LRP6: variants seen among roughly 807,000 people sequenced by gnomAD.
The protein encoded by LRP6 is LDL receptor related protein 6, also known as low-density lipoprotein receptor-related protein 6.
In LRP6, 43 loss-of-function variants were observed where a neutral mutation model predicts 184.1. That is an observed-to-expected ratio of 0.23 (90% CI 0.18 to 0.30). LRP6 has a LOEUF of 0.30. Ranked by LOEUF, LRP6 falls within the 10% of genes least tolerant of loss-of-function variation. The probability of loss-of-function intolerance (pLI) is 1.00; values close to 1 mark genes in which losing one functional copy is unlikely to be tolerated. For missense variants in LRP6, 1,571 were observed against 2,005.3 expected (o/e 0.78, Z 4.14); for synonymous variants, 719 against 684.9 (o/e 1.05, Z -0.78).
chr12:12,234,901 G>T (rs113300635), intron 2 of LRP6, among the ~76,000 whole-genome samples: 5 of 151,656 alleles, frequency 3.3e-5, no homozygotes, highest in Non-Finnish European at 7.4e-5. Context: ...ATATACACAC[G>T]TATCAACTCA....
At chr12:12,237,580 G>GT (rs1864957539) in intron 2 of LRP6, among the ~76,000 whole-genome samples, 1 of 152,192 alleles carries the variant, frequency 6.6e-6, no homozygotes, top group Non-Finnish European at 1.5e-5. Flanking sequence ...GTGATCAACT[G>GT]TAACATCACC....
chr12:12,210,370 G>A (rs939728393), intron 2 of LRP6, among the ~76,000 whole-genome samples: 2 of 152,160 alleles, frequency 1.3e-5, no homozygotes, highest in Admixed American at 1.3e-4. Flanking sequence ...TGTGGTTTGG[G>A]AGAGCAAGAT....
At chr12:12,175,719 A>G (rs1449200881) in intron 7 of LRP6, among the ~76,000 whole-genome samples, 1 of 149,532 alleles carries the variant, frequency 6.7e-6, no homozygotes, top group East Asian at 1.9e-4. Context: ...AATAAAATAA[A>G]ATAAAATAAA....
At chr12:12,200,425 C>G (rs905779648) in intron 3 of LRP6, among the ~76,000 whole-genome samples, 46 of 152,258 alleles carry the variant, frequency 3.0e-4, no homozygotes, top group Non-Finnish European at 1.5e-4. Flanking sequence ...GTAGGATCTA[C>G]CCGGGGGCCC....
At chr12:12,245,684 G>A (rs565007689) in intron 1 of LRP6, among the ~76,000 whole-genome samples, 11 of 152,158 alleles carry the variant, frequency 7.2e-5, no homozygotes, top group East Asian at 3.9e-4. Flanking sequence ...GAAAAGACCC[G>A]AAACTAAATA....
At chr12:12,183,710 T>C (rs1241040820) in intron 5 of LRP6, among the ~76,000 whole-genome samples, 3 of 152,240 alleles carry the variant, frequency 2.0e-5, no homozygotes, top group African/African-American at 7.2e-5. Context: ...TCAACTGTGA[T>C]ATCAATGACT....
intron 1 of LRP6, among the ~76,000 whole-genome samples, chr12:12,265,838 G>C (rs543481994): frequency 6.6e-6 from 1 of 152,266 alleles, no homozygotes; most frequent in South Asian, 2.1e-4. Flanking sequence ...TAGTGCCATC[G>C]AATTCAAGCG....
At chr12:12,223,825 T>C (rs765241999) in intron 2 of LRP6, among the ~76,000 whole-genome samples, 1 of 152,164 alleles carries the variant, frequency 6.6e-6, no homozygotes, top group Non-Finnish European at 1.5e-5. Flanking sequence ...CTAGCCTCCT[T>C]CTCCTTGCTT....
chr12:12,138,459 T>C lies in LRP6; in HGVS notation c.3473A>G (p.Tyr1158Cys), dbSNP rs1486364279. 5.0e-6 allele frequency: 8 copies of C among 1,613,986 alleles called. No homozygotes were observed. Among genetic ancestry groups the C allele is most frequent in the Non-Finnish European group, 6.8e-6 (8 of 1,180,018 alleles). Residue 1158 changes from tyrosine (Y) to cysteine (C), a missense_variant, in exon 16 of 23, where the codon TAT (tyrosine) becomes TGT (cysteine). Physicochemically the swap from Tyr to Cys is radical, Grantham distance 194. Transcript: ENST00000261349. ...VGLTVFENWL[Y>C]WIDKQQQMIE... ...CATTTGCTGCTGTTTATCAATCCAATAGAGCCAGTTTTCAAACACAGTAAG... is the reference window on the plus strand; with the variant it reads ...CATTTGCTGCTGTTTATCAATCCAACAGAGCCAGTTTTCAAACACAGTAAG...
chr12:12,127,032 A>G, intron 19 of LRP6, 111 bp from the exon 20 acceptor site: 2 of 882,248 alleles, frequency 2.3e-6, no homozygotes, highest in South Asian at 2.8e-5. Context: ...CCTAATGAAG[A>G]TAATTCATAA....
chr12:12,122,288 A>G (rs956790551), intron 22 of LRP6, among the ~76,000 whole-genome samples: 2 of 152,300 alleles, frequency 1.3e-5, no homozygotes, highest in Admixed American at 1.3e-4. Context: ...TCCTACTTCT[A>G]TTTTTAACTT....
At chr12:12,255,221 A>G (rs1865429776) in intron 1 of LRP6, among the ~76,000 whole-genome samples, 1 of 152,036 alleles carries the variant, frequency 6.6e-6, no homozygotes, top group Non-Finnish European at 1.5e-5. Flanking sequence ...TCTCCCCACA[A>G]ATTCCTAAAC....
At chr12:12,263,350 C>T (rs571113403) in intron 1 of LRP6, among the ~76,000 whole-genome samples, 32 of 150,740 alleles carry the variant, frequency 2.1e-4, no homozygotes, top group African/African-American at 7.8e-4. Context: ...CCGAGGTGGG[C>T]GGATCACGAG....
At chr12:12,182,837 A>G (rs889267395) in intron 5 of LRP6, among the ~76,000 whole-genome samples, 4 of 152,228 alleles carry the variant, frequency 2.6e-5, no homozygotes, top group African/African-American at 9.6e-5. Flanking sequence ...AAAACAGAAC[A>G]GTTAACTTAA....
intron 17 of LRP6, 75 bp downstream of exon 17, chr12:12,135,100 G>A (rs1949814675): frequency 6.2e-7 from 1 of 1,606,990 alleles, no homozygotes; most frequent in African/African-American, 1.3e-5. Flanking sequence ...TCAATGCCTA[G>A]TCATAGAAGT....
chr12:12,219,189 G>A (rs562110219), intron 2 of LRP6, among the ~76,000 whole-genome samples: 2 of 152,128 alleles, frequency 1.3e-5, no homozygotes, highest in African/African-American at 4.8e-5. Flanking sequence ...ACTCTTAACT[G>A]TCTACCCCTT....
In LRP6 at chr12:12,119,812, A is replaced by C. The variant is rs985096338; in HGVS notation, c.*1314T>G. Reference sequence around the variant, plus strand: ...CAGAAAGATATTAAATTCATGTCACACATTAGAAGAGGTATGTATGTAGAC... The same window carrying C: ...CAGAAAGATATTAAATTCATGTCACCCATTAGAAGAGGTATGTATGTAGAC... On this transcript the variant is annotated 3_prime_UTR_variant, in exon 23 of 23. Coordinates refer to ENST00000261349, the MANE Select transcript of LRP6 (RefSeq NM_002336.3). 1 of 151,736 alleles carries C rather than the reference A, an allele frequency of 6.6e-6. No individual in the cohort carries two copies. The highest frequency in any genetic ancestry group is 1.5e-5 in the Non-Finnish European group (1 of 67,940). 9.4% of individuals were successfully genotyped at this position (151,736 alleles called of 1,614,324 possible).
intron 2 of LRP6, among the ~76,000 whole-genome samples, chr12:12,227,393 T>C (rs1166022864): frequency 2.0e-5 from 3 of 150,220 alleles, no homozygotes. Flanking sequence ...GAAGGTAAAA[T>C]AAAAACTTTC....
intron 1 of LRP6, among the ~76,000 whole-genome samples, chr12:12,245,942 C>A (rs554530276): frequency 6.6e-6 from 1 of 151,106 alleles, no homozygotes; most frequent in Non-Finnish European, 1.5e-5. Flanking sequence ...AGCTATGGAG[C>A]GCTTAAAATG....
Sources: gnomAD v4.1 joint callset for allele counts (sites outside exome capture counted in the v4.1 genomes callset) on GRCh38, gnomAD v4.1.1 for gene constraint, MANE v1.5 for transcripts, NCBI Gene and HGNC (gene_info 2026-07-23, HGNC 2026-07-21) for gene names.